Variants in ABCA4 observed in about 807,000 individuals in gnomAD.
ABCA4 encodes retinal-specific phospholipid-transporting ATPase ABCA4.
In ABCA4, 196 loss-of-function variants were observed where a neutral mutation model predicts 263.7. The ratio of observed to expected loss-of-function variants is 0.74; its 90% CI spans 0.66 to 0.84. The LOEUF (loss-of-function observed/expected upper bound fraction) is 0.84. ABCA4 is among the 40% of genes least tolerant of loss of function. The pLI, the probability that ABCA4 is intolerant of heterozygous loss-of-function variation, is 0.00. For synonymous variants in ABCA4, 1,133 were observed against 1,094.2 expected, an observed-to-expected ratio of 1.04 and a Z score of -0.70; for missense variants, 2,792 against 2,855.1, an observed-to-expected ratio of 0.98 and a Z score of 0.50.
chr1:94,005,432 A>T lies in ABCA4; in HGVS notation c.6147+9T>A, dbSNP rs778917656. Reference sequence around the variant, plus strand: ...GACTCCTATGTGGCCACAACAAAACATTTTTCACCTTTTCGATTTCTTCTG... The same window carrying T: ...GACTCCTATGTGGCCACAACAAAACTTTTTTCACCTTTTCGATTTCTTCTG... On this transcript the variant is annotated intron_variant, in intron 44 of 49. Transcript: ENST00000370225. 7.4e-6 allele frequency: 12 copies of T among 1,613,820 alleles called. No individual in the cohort carries two copies. In the East Asian group the frequency reaches 2.5e-4, roughly 33 times the overall value.
rs1345184930 is a variant in ABCA4, at chr1:94,060,548, T to C, written c.2149A>G (p.Ile717Val). The C allele has an allele frequency of 3.7e-6, 6 of 1,613,884 alleles. No homozygotes were observed. Among genetic ancestry groups the C allele is most frequent in the Non-Finnish European group, 2.5e-6 (3 of 1,180,022 alleles). The change falls in exon 14 of 50, where the codon ATA becomes GTA. Residue 717 changes from isoleucine to valine, a missense_variant. By Grantham distance (29) the Ile-to-Val change is conservative. Coordinates refer to ENST00000370225, the MANE Select transcript of ABCA4 (RefSeq NM_000350.3). ...IMSMSIFLLT[I>V]FIMHGRILHY... ...TCCATTTGGCTTACCATGATGAATA[T>C]CGTCAGGAGGAAGATGCTCATCGAC...
At chr1:94,035,017 T>C (rs1227091321) in intron 26 of ABCA4, among the ~76,000 whole-genome samples, 1 of 152,190 alleles carries the variant, frequency 6.6e-6, no homozygotes, top group Non-Finnish European at 1.5e-5. Context: ...GCCAGTTAGT[T>C]TGCAAATTAT....
chr1:94,083,461 A>C lies in ABCA4; in HGVS notation c.769-20T>G, dbSNP rs1371995926. On this transcript the variant is annotated intron_variant, in intron 6 of 49. Coordinates refer to ENST00000370225, the MANE Select transcript of ABCA4 (RefSeq NM_000350.3). ...GGGAAGCTGTAATTGACAGTAAAAC[A>C]ATTTTTTAAATATATATATGTTTGT... The C allele has an allele frequency of 1.3e-6, 2 of 1,570,754 alleles. No individual in the cohort carries two copies. The highest frequency in any genetic ancestry group is 1.7e-5 in the Admixed American group (1 of 59,936).
At chr1:94,111,325 G>T (rs1192732865) in intron 3 of ABCA4, 113 bp downstream of exon 3, 3 of 1,435,762 alleles carry the variant, frequency 2.1e-6, no homozygotes, top group Non-Finnish European at 2.9e-6. Flanking sequence ...TAGGGGCTCA[G>T]CAAAGCCACA....
At chr1:94,116,968 C>CTCTTTCTTTATT (rs1662787456) in intron 1 of ABCA4, among the ~76,000 whole-genome samples, 1 of 99,938 alleles carries the variant, frequency 1.0e-5, no homozygotes, top group African/African-American at 4.0e-5. Flanking sequence ...TTCTTTCTTT[C>CTCTTTCTTTATT]TCTTTCTTTC....
Position 94,079,604 on chromosome 1 carries a change from C to T in ABCA4, c.1100-143G>A, listed in dbSNP as rs2275035. On this transcript the variant is annotated intron_variant, in intron 8 of 49. Coordinates refer to ENST00000370225, the MANE Select transcript of ABCA4 (RefSeq NM_000350.3). ...ATAACCTAAATTAATAGGCTGTACC[C>T]CACCAATAACAAGCTCATCATTAGT... 0.27 allele frequency: 318,722 copies of T among 1,180,122 alleles called. 46,606 individuals are homozygous for T. The highest frequency in any genetic ancestry group is 0.54 in the East Asian group (21,534 of 39,808). 73.1% of individuals were successfully genotyped at this position (1,180,122 alleles called of 1,614,324 possible).
At chr1:94,098,736 G>A in intron 6 of ABCA4, 58 bp downstream of exon 6, 1 of 1,592,018 alleles carries the variant, frequency 6.3e-7, no homozygotes. Context: ...CAATTCGTGA[G>A]GCTCTGCTAC....
At position 94,102,998 on chromosome 1, in the gene ABCA4, C is replaced by T; in HGVS notation, c.570+17G>A. On this transcript the variant is annotated intron_variant, in intron 5 of 49. Transcript: ENST00000370225. ...TCCCTCCCCTCCAGGGACCACTGGC[C>T]AGTGACATCCCCCTACCTGCTCTGG... 1 of 1,614,126 alleles carries T rather than the reference C, an allele frequency of 6.2e-7. No individual in the cohort carries two copies. Among genetic ancestry groups the T allele is most frequent in the South Asian group, 1.1e-5 (1 of 91,082 alleles).
intron 5 of ABCA4, among the ~76,000 whole-genome samples, chr1:94,101,541 T>C (rs921012792): frequency 2.6e-5 from 4 of 152,192 alleles, no homozygotes; most frequent in Admixed American, 6.5e-5. Context: ...GAGAACCTGC[T>C]TCCAGGAGCT....
intron 6 of ABCA4, among the ~76,000 whole-genome samples, chr1:94,091,474 A>G (rs1280285821): frequency 6.6e-6 from 1 of 151,978 alleles, no homozygotes; most frequent in Non-Finnish European, 1.5e-5. Context: ...ATTCACATGA[A>G]TTGTTTCTGT....
rs778336734 is a variant in ABCA4, at chr1:94,108,605, G to T, written c.414C>A (p.Thr138=). 15 of 1,613,656 alleles carry T rather than the reference G, an allele frequency of 9.3e-6. No homozygotes were observed. In the South Asian group the frequency reaches 1.5e-4, roughly 17 times the overall value. ...ELHILSQFMD[T]LRTHPERIAG... ...CAATTCTCTCCGGGTGAGTCCGGAG[G>T]GTGTCCATGAATTGGGACAAGATGT... is the stretch of plus-strand genomic sequence containing the variant. Residue 138 remains threonine (T), a synonymous_variant, in exon 4 of 50, where the codon ACC becomes ACA. Coordinates refer to ENST00000370225, the MANE Select transcript of ABCA4 (RefSeq NM_000350.3).
chr1:94,063,490 G>A (rs542564750), intron 11 of ABCA4, among the ~76,000 whole-genome samples, 173 bp from the exon 12 acceptor site: 2 of 152,308 alleles, frequency 1.3e-5, no homozygotes, highest in South Asian at 2.1e-4. Flanking sequence ...ATTTTTCAAC[G>A]TGTCCAGATG....
intron 10 of ABCA4, 72 bp downstream of exon 10, chr1:94,078,518 G>T: frequency 8.5e-7 from 1 of 1,170,796 alleles, no homozygotes; most frequent in South Asian, 1.2e-5. Context: ...CTGGGAAAAG[G>T]AAACAAGTGG....
At chr1:93,993,991 C>G (rs978229450) in intron 49 of ABCA4, among the ~76,000 whole-genome samples, 3 of 152,126 alleles carry the variant, frequency 2.0e-5, no homozygotes, top group Non-Finnish European at 4.4e-5. Flanking sequence ...AAGAGGATGA[C>G]TAACACAGTT....
chr1:94,055,004 G>T, intron 16 of ABCA4, 107 bp downstream of exon 16: 2 of 1,162,378 alleles, frequency 1.7e-6, no homozygotes, highest in Non-Finnish European at 2.5e-6. Context: ...TTCAAATGCT[G>T]GTTCTGACAA....
At chr1:94,075,298 T>G (rs1661510387) in intron 11 of ABCA4, among the ~76,000 whole-genome samples, 1 of 152,118 alleles carries the variant, frequency 6.6e-6, no homozygotes. Context: ...ACCTACACAT[T>G]CTGCACTTGT....
At chr1:94,051,561 A>G in intron 17 of ABCA4, 72 bp downstream of exon 17, 1 of 1,332,376 alleles carries the variant, frequency 7.5e-7, no homozygotes, top group Non-Finnish European at 1.1e-6. Context: ...CACCTCTGTG[A>G]TCCATATACA....
At chr1:94,039,597 A>G (rs1352383574) in intron 24 of ABCA4, among the ~76,000 whole-genome samples, 2 of 152,216 alleles carry the variant, frequency 1.3e-5, no homozygotes, top group Non-Finnish European at 2.9e-5. Flanking sequence ...GGAGTATAAC[A>G]GGGGTGTATG....
intron 24 of ABCA4, among the ~76,000 whole-genome samples, chr1:94,039,764 G>A (rs1042731685): frequency 2.0e-5 from 3 of 152,222 alleles, no homozygotes; most frequent in Non-Finnish European, 2.9e-5. Flanking sequence ...GCCAGGGCAG[G>A]GGGACCCCAG....
Sources: allele counts gnomAD v4.1 joint callset (sites outside exome capture counted in the v4.1 genomes callset), GRCh38; gene constraint gnomAD v4.1.1; transcripts MANE v1.5; gene names NCBI Gene and HGNC (gene_info 2026-07-23, HGNC 2026-07-21).